Variants in PACS1 observed in about 807,000 individuals in gnomAD.
PACS1 encodes the protein PACS-1.
Under a neutral mutation model 115.0 loss-of-function variants are expected in PACS1, and 24 were observed. That is an observed-to-expected ratio of 0.21 (90% CI 0.15 to 0.29). The LOEUF (loss-of-function observed/expected upper bound fraction) is 0.29. Ranked by LOEUF, PACS1 falls within the 10% of genes least tolerant of loss-of-function variation. The pLI, the probability that PACS1 is intolerant of heterozygous loss-of-function variation, is 1.00. For synonymous variants in PACS1, 453 were observed against 504.5 expected (o/e 0.90, Z 1.37); for missense variants, 838 against 1,251.2 (o/e 0.67, Z 4.98).
rs1387112493 is a variant in PACS1 at position 66,230,581 on chromosome 11, A to G, written c.1408A>G (p.Ser470Gly). 14 of 1,614,114 alleles carry G rather than the reference A, an allele frequency of 8.7e-6. No homozygotes were observed. Among genetic ancestry groups the G allele is most frequent in the Middle Eastern group, 1.6e-4 (1 of 6,062 alleles). ...TGACCAGGACATGTTTGGAGATGCCAGCACGAGTCTGGTTGTGCCGGAGAA... is the reference window on the plus strand; with the variant it reads ...TGACCAGGACATGTTTGGAGATGCCGGCACGAGTCTGGTTGTGCCGGAGAA... ...ITDQDMFGDA[S>G]TSLVVPEKVK... The change falls in exon 12 of 24, where the codon AGC becomes GGC. Residue 470 changes from serine to glycine, a missense_variant. By Grantham distance (56) the Ser-to-Gly change is moderately conservative. Around this residue, in one of 6 missense-constraint regions of PACS1, gnomAD observed 383 missense variants for 537.0 expected, o/e 0.71. Coordinates refer to ENST00000320580, the MANE Select transcript of PACS1 (RefSeq NM_018026.4).
chr11:66,138,085 T>G (rs1014177156), intron 1 of PACS1, among the ~76,000 whole-genome samples: 20 of 89,462 alleles, frequency 2.2e-4, no homozygotes, highest in African/African-American at 1.1e-3. Flanking sequence ...TTTTGCCCCG[T>G]TTATTTATTT....
chr11:66,195,389 C>T (rs1442659195), intron 2 of PACS1, among the ~76,000 whole-genome samples: 1 of 152,076 alleles, frequency 6.6e-6, no homozygotes, highest in Admixed American at 6.6e-5. Flanking sequence ...CTATTAGTGT[C>T]TTGTCCTCCT....
intron 1 of PACS1, among the ~76,000 whole-genome samples, chr11:66,152,985 A>T (rs538198447): frequency 2.6e-5 from 4 of 152,362 alleles, no homozygotes; most frequent in Non-Finnish European, 5.9e-5. Context: ...CACTAAAAGA[A>T]GTTTTCAGAA....
intron 1 of PACS1, among the ~76,000 whole-genome samples, chr11:66,079,922 T>G (rs1432548313): frequency 2.0e-5 from 3 of 152,214 alleles, no homozygotes; most frequent in African/African-American, 7.2e-5. Context: ...TCCCTCTACC[T>G]GTGATACCCT....
intron 1 of PACS1, among the ~76,000 whole-genome samples, chr11:66,093,643 A>G (rs1388610054): frequency 6.7e-6 from 1 of 149,980 alleles, no homozygotes; most frequent in Non-Finnish European, 1.5e-5. Flanking sequence ...TCAACAAGAT[A>G]GAAAGTTAAC....
chr11:66,219,555 G>A, intron 7 of PACS1, 191 bp from the exon 8 acceptor site: 1 of 696,388 alleles, frequency 1.4e-6, no homozygotes, highest in Non-Finnish European at 2.6e-6. Flanking sequence ...CTGCACCCAA[G>A]GCCCAGGAGC....
intron 11 of PACS1, among the ~76,000 whole-genome samples, chr11:66,229,348 C>T (rs1011099929): frequency 3.9e-5 from 6 of 151,982 alleles, no homozygotes; most frequent in Admixed American, 2.0e-4. Flanking sequence ...GAGACCATGC[C>T]ACTGCACTCC....
intron 1 of PACS1, among the ~76,000 whole-genome samples, chr11:66,134,785 T>C (rs186804617): frequency 8.5e-5 from 13 of 152,204 alleles, no homozygotes; most frequent in African/African-American, 2.4e-4. Flanking sequence ...CACTGGGGAT[T>C]CCCTTCACTC....
intron 1 of PACS1, among the ~76,000 whole-genome samples, chr11:66,096,379 GT>G (rs1174497488): frequency 1.3e-5 from 2 of 151,272 alleles, no homozygotes; most frequent in African/African-American, 4.9e-5. Context: ...CCAGCTAGTA[GT>G]TCATTCTTTT....
chr11:66,087,210 T>G (rs1857588001), intron 1 of PACS1, among the ~76,000 whole-genome samples: 1 of 151,674 alleles, frequency 6.6e-6, no homozygotes, highest in African/African-American at 2.4e-5. Flanking sequence ...CTTCACACAG[T>G]GGATGAAGTA....
rs34140940 is a variant in PACS1, at chr11:66,168,752, ATG to A, written c.357-24708_357-24707del. 8.9e-3 allele frequency among the ~76,000 whole-genome samples: 887 copies of A among 99,144 alleles called. 53 individuals carry two copies. The highest frequency in any genetic ancestry group is 0.018 in the African/African-American group (541 of 29,598). 65.0% of individuals were successfully genotyped at this position (99,144 alleles called of 152,430 possible). ...TGCTTCCTAAATAGTATATATATATATGTGTGTGTGTGTGTGTGTGTGTGTGT... is the reference window on the plus strand; with the variant it reads ...TGCTTCCTAAATAGTATATATATATATGTGTGTGTGTGTGTGTGTGTGTGT... On this transcript the variant is annotated intron_variant, in intron 1 of 23. Coordinates refer to ENST00000320580, the MANE Select transcript of PACS1 (RefSeq NM_018026.4).
chr11:66,103,328 T>TG (rs1423747672), intron 1 of PACS1, among the ~76,000 whole-genome samples: 2 of 152,110 alleles, frequency 1.3e-5, no homozygotes, highest in Non-Finnish European at 2.9e-5. Flanking sequence ...TGCAAGGATG[T>TG]GGGTGGCTCA....
intron 4 of PACS1, among the ~76,000 whole-genome samples, chr11:66,213,323 C>G (rs1269622161): frequency 6.6e-6 from 1 of 152,230 alleles, no homozygotes; most frequent in Non-Finnish European, 1.5e-5. Context: ...CCCCTTCATG[C>G]CAGCTTTGAG....
intron 22 of PACS1, among the ~76,000 whole-genome samples, chr11:66,242,506 G>A (rs930419610): frequency 6.6e-6 from 1 of 152,204 alleles, no homozygotes; most frequent in Admixed American, 6.5e-5. Context: ...GTGGAACAGG[G>A]AGCACTCCCC....
intron 7 of PACS1, among the ~76,000 whole-genome samples, chr11:66,218,936 T>C (rs2134714985): frequency 1.3e-5 from 2 of 150,898 alleles, no homozygotes; most frequent in South Asian, 4.2e-4. Context: ...TCCACTTGAC[T>C]ATGGGGTGTG....
chr11:66,216,862 C>CTTATTTTTTTTTTTTTTTTTTT (rs1590826365), intron 7 of PACS1, 87 bp downstream of exon 7: 11 of 849,796 alleles, frequency 1.3e-5, no homozygotes, highest in Non-Finnish European at 1.6e-5. Flanking sequence ...CTAGTGGAGA[C>CTTATTTTTTTTTTTTTTTTTTT]TTCTTAAAAT....
chr11:66,220,674 A>G lies in PACS1; in HGVS notation c.1082A>G (p.Glu361Gly), dbSNP rs1565152590. Residue 361 changes from glutamate to glycine, a missense_variant, in exon 9 of 24, where the codon GAA becomes GGA. By Grantham distance (98) the Glu-to-Gly change is moderately conservative. This residue lies in a region of PACS1 where 223 missense variants were observed against 354.0 expected (regional missense o/e 0.63). Coordinates refer to ENST00000320580, the MANE Select transcript of PACS1 (RefSeq NM_018026.4). Reference sequence around the variant, plus strand: ...CATGTGTCCCGCGAGCAGATCCGGGAAGTGGAAGAGGACTTGGATGAATTG... The same window carrying G: ...CATGTGTCCCGCGAGCAGATCCGGGGAGTGGAAGAGGACTTGGATGAATTG... ...LEHVSREQIREVEEDLDELYD... is the reference protein window; with the variant it reads ...LEHVSREQIRGVEEDLDELYD... 5.6e-6 allele frequency: 9 copies of G among 1,614,060 alleles called. No homozygotes were observed. Among genetic ancestry groups the G allele is most frequent in the Non-Finnish European group, 6.8e-6 (8 of 1,179,988 alleles).
At chr11:66,159,584 T>C (rs1859441462) in intron 1 of PACS1, among the ~76,000 whole-genome samples, 1 of 151,930 alleles carries the variant, frequency 6.6e-6, no homozygotes, top group South Asian at 2.1e-4. Context: ...GGCCAAGAGA[T>C]TGTCGTAGGT....
chr11:66,202,782 T>TATATATATATATATATATATA (rs1854845586), intron 2 of PACS1, among the ~76,000 whole-genome samples: 2 of 119,686 alleles, frequency 1.7e-5, no homozygotes, highest in Non-Finnish European at 3.4e-5. Flanking sequence ...TATATATATA[T>TATATATATATATATATATATA]TCTGAAAAAG....
Sources: gnomAD v4.1 joint callset for allele counts (sites outside exome capture counted in the v4.1 genomes callset) on GRCh38, gnomAD v4.1.1 for gene constraint, gnomAD v4.1.1 regional missense constraint, MANE v1.5 for transcripts, NCBI Gene and HGNC (gene_info 2026-07-23, HGNC 2026-07-21) for gene names.